PREX1: variants seen among roughly 807,000 people sequenced by gnomAD.
The protein encoded by PREX1 is phosphatidylinositol-3,4,5-trisphosphate dependent Rac exchange factor 1.
Under a neutral mutation model 198.3 loss-of-function variants are expected in PREX1, and 41 were observed. The observed-to-expected ratio is 0.21, with a 90% CI of 0.16 to 0.27. PREX1 has a LOEUF of 0.27. Ranked by LOEUF, PREX1 falls within the 10% of genes least tolerant of loss-of-function variation. The pLI, the probability that PREX1 is intolerant of heterozygous loss-of-function variation, is 1.00. For missense variants in PREX1, 1,620 were observed against 2,200.7 expected, an observed-to-expected ratio of 0.74 and a Z score of 5.28; for synonymous variants, 843 against 887.2, an observed-to-expected ratio of 0.95 and a Z score of 0.89.
the PREX1 span, among the ~76,000 whole-genome samples, chr20:48,861,775 C>T: frequency 1.3e-5 from 2 of 152,180 alleles, no homozygotes; most frequent in South Asian, 2.1e-4. Context: ...TCACAAGAGG[C>T]TCTGCAAGCC....
the PREX1 span, among the ~76,000 whole-genome samples, chr20:48,837,539 G>GGCCATT: frequency 6.6e-6 from 1 of 152,148 alleles, no homozygotes; most frequent in Non-Finnish European, 1.5e-5. Context: ...CGGAGCTGTA[G>GGCCATT]GCCATTATCC....
chr20:48,676,342 T>C lies in PREX1; in HGVS notation c.1590-74A>G, dbSNP rs557496116. The C allele has an allele frequency of 3.7e-5, 51 of 1,369,404 alleles. No individual in the cohort carries two copies. In the African/African-American group the frequency reaches 6.6e-4, roughly 18 times the overall value. The allele number at this position is 1,369,404 out of a possible 1,614,324, so 84.8% of individuals were successfully genotyped here. ...GAGGTGGGGGTGGTCCTGACTTCCC[T>C]GCAGGACGTGCCCACGAGTCAAGGA... On this transcript the variant is annotated intron_variant, in intron 13 of 39. Transcript: ENST00000371941.
chr20:48,766,866 G>C (rs1010732779), intron 1 of PREX1, among the ~76,000 whole-genome samples: 12 of 152,124 alleles, frequency 7.9e-5, no homozygotes, highest in African/African-American at 2.4e-4. Context: ...CTCTGGGGCA[G>C]GTTCCTCACC....
At chr20:48,652,774 G>A (rs1242904365) in intron 20 of PREX1, 68 bp from the exon 21 acceptor site, 1 of 1,519,270 alleles carries the variant, frequency 6.6e-7, no homozygotes, top group Non-Finnish European at 8.9e-7. Context: ...CAGGGCCGAG[G>A]TGTGAACTGC....
Position 48,643,926 on chromosome 20 carries a change from CT to C in PREX1, c.3601+482del, listed in dbSNP as rs201532492. Among the ~76,000 whole-genome samples the C allele has an allele frequency of 3.0e-3, 461 of 152,378 alleles. 10 individuals carry two copies. The East Asian group carries it at 0.065, about 21-fold the overall frequency. Reference sequence around the variant, plus strand: ...TCCTGACCTAAAGTGATCCGCCTGCCTTGGCCTCCCAAAGTGCTGGGATTAC... The same window carrying C: ...TCCTGACCTAAAGTGATCCGCCTGCCTGGCCTCCCAAAGTGCTGGGATTAC... On this transcript the variant is annotated intron_variant, in intron 27 of 39. Transcript: ENST00000371941.
At chr20:48,857,027 C>T in the PREX1 span, among the ~76,000 whole-genome samples, 3 of 152,244 alleles carry the variant, frequency 2.0e-5, no homozygotes, top group African/African-American at 7.2e-5. Flanking sequence ...TTAGTAGAGA[C>T]AGGGTTTCAC....
chr20:48,678,702 G>T (rs114004134), intron 13 of PREX1, among the ~76,000 whole-genome samples: 2,023 of 152,264 alleles, frequency 0.013, 52 homozygotes, highest in African/African-American at 0.044. Flanking sequence ...CTTTCACTTG[G>T]CTGTCATTTT....
At chr20:48,852,499 G>GTCT in the PREX1 span, among the ~76,000 whole-genome samples, 1 of 152,170 alleles carries the variant, frequency 6.6e-6, no homozygotes, top group African/African-American at 2.4e-5. Context: ...CTGGGAATCT[G>GTCT]TCTTCTAAAC....
intron 3 of PREX1, among the ~76,000 whole-genome samples, chr20:48,739,034 C>A (rs1385729916): frequency 6.6e-6 from 1 of 152,170 alleles, no homozygotes; most frequent in East Asian, 1.9e-4. Context: ...TTAAAACCTG[C>A]AATGGCTTTC....
intron 1 of PREX1, among the ~76,000 whole-genome samples, chr20:48,806,722 T>A (rs1323093686): frequency 2.6e-5 from 4 of 152,164 alleles, no homozygotes; most frequent in African/African-American, 9.7e-5. Flanking sequence ...TTCAGATTGG[T>A]AAGTTCCCTG....
chr20:48,652,636 G>C lies in PREX1; in HGVS notation c.2417C>G (p.Thr806Ser), dbSNP rs567754455. 1 of 1,613,756 alleles carries C rather than the reference G, an allele frequency of 6.2e-7. No homozygotes were observed. Among genetic ancestry groups the C allele is most frequent in the Non-Finnish European group, 8.5e-7 (1 of 1,179,810 alleles). The change falls in exon 21 of 40, where the codon ACT becomes AGT. Residue 806 changes from threonine (T) to serine (S), a missense_variant. Coordinates refer to ENST00000371941, the MANE Select transcript of PREX1 (RefSeq NM_020820.4). ...GGCCTGCTCGCCACTGGGGTCCTCA[G>C]TGGAGGCCTCCTGACTGGCTCGTGC... ...QEARASQEAS[T>S]EDPSGEQAQE...
In PREX1 at chr20:48,624,820, C is replaced by T. The variant is rs2664570; in HGVS notation, c.*1065G>A. ...CAGTGACCCTCTAACCCGTGTGACA[C>T]GGCACCTCAGGTGGGGCTCCATCCC... On this transcript the variant is annotated 3_prime_UTR_variant, in exon 40 of 40. Coordinates refer to ENST00000371941, the MANE Select transcript of PREX1 (RefSeq NM_020820.4). The T allele has an allele frequency of 0.19, 29,210 of 152,294 alleles. 2,844 individuals carry two copies. Among genetic ancestry groups the T allele is most frequent in the Middle Eastern group, 0.28 (83 of 294 alleles). The allele number at this position is 152,294 out of a possible 1,614,324, so 9.4% of individuals were successfully genotyped here. A position where few individuals can be genotyped will look rare whatever the true frequency, so the allele number is the denominator to read the frequency against.
intron 1 of PREX1, among the ~76,000 whole-genome samples, chr20:48,787,373 C>CA (rs111817747): frequency 9.2e-4 from 133 of 144,860 alleles, no homozygotes; most frequent in Admixed American, 3.7e-3. Flanking sequence ...TATAAACAAA[C>CA]AAAAAAAAAA....
At chr20:48,725,947 C>T (rs2090007923) in intron 5 of PREX1, among the ~76,000 whole-genome samples, 1 of 152,202 alleles carries the variant, frequency 6.6e-6, no homozygotes, top group South Asian at 2.1e-4. Context: ...CAGGCCCAAA[C>T]CATTTGGCAT....
At chr20:48,743,510 C>T (rs1482388589) in intron 3 of PREX1, among the ~76,000 whole-genome samples, 1 of 152,182 alleles carries the variant, frequency 6.6e-6, no homozygotes, top group Non-Finnish European at 1.5e-5. Flanking sequence ...CCCTCCTCTG[C>T]TCAATGCCCT....
intron 6 of PREX1, among the ~76,000 whole-genome samples, chr20:48,701,326 C>A (rs1043800867): frequency 6.6e-6 from 1 of 152,140 alleles, no homozygotes; most frequent in Non-Finnish European, 1.5e-5. Flanking sequence ...ATTCTTCCTG[C>A]CTCAGCCTCC....
chr20:48,757,396 G>A (rs891981375), intron 1 of PREX1, among the ~76,000 whole-genome samples: 1 of 152,182 alleles, frequency 6.6e-6, no homozygotes, highest in Non-Finnish European at 1.5e-5. Flanking sequence ...AGTAACAAGG[G>A]GTTCAGCAGG....
At chr20:48,763,492 G>T (rs544471338) in intron 1 of PREX1, among the ~76,000 whole-genome samples, 2 of 152,178 alleles carry the variant, frequency 1.3e-5, no homozygotes, top group African/African-American at 2.4e-5. Context: ...AGTGGAATGC[G>T]GTCTCCTCTC....
chr20:48,632,607 G>A lies in PREX1; in HGVS notation c.4300C>T (p.Arg1434Trp), dbSNP rs1013729539. ...TNVFYHIEGS[R>W]QALKVIFYLD... ...TAGAAGATGACCTTCAGCGCCTGCCGGCTGCCCTCAATGTGGTAGAAGACG... is the reference window on the plus strand; with the variant it reads ...TAGAAGATGACCTTCAGCGCCTGCCAGCTGCCCTCAATGTGGTAGAAGACG... The change falls in exon 34 of 40, where the codon CGG (arginine) becomes TGG (tryptophan). Residue 1434 changes from arginine (R) to tryptophan (W), a missense_variant. Coordinates refer to ENST00000371941, the MANE Select transcript of PREX1 (RefSeq NM_020820.4). The A allele has an allele frequency of 2.5e-6, 4 of 1,613,800 alleles. No homozygotes were observed. Among genetic ancestry groups the A allele is most frequent in the Non-Finnish European group, 2.5e-6 (3 of 1,179,896 alleles).
Sources: gnomAD v4.1 joint callset for allele counts (sites outside exome capture counted in the v4.1 genomes callset) on GRCh38, gnomAD v4.1.1 for gene constraint, MANE v1.5 for transcripts, NCBI Gene and HGNC (gene_info 2026-07-23, HGNC 2026-07-21) for gene names.